The following PKIB variants were observed in gnomAD, a reference collection of about 807,000 sequenced individuals.
PKIB encodes the protein PKI-beta.
Under a neutral mutation model 4.5 loss-of-function variants are expected in PKIB, and 2 were observed. That is an observed-to-expected ratio of 0.44 (90% CI 0.18 to 1.39). The LOEUF is 1.39. Ranked by LOEUF, PKIB falls within the 40% of genes most tolerant of loss-of-function variation. The probability of loss-of-function intolerance (pLI) is 0.27; values close to 1 mark genes in which losing one functional copy is unlikely to be tolerated. For synonymous variants in PKIB, 38 were observed against 36.0 expected (o/e 1.06, Z -0.20); for missense variants, 94 against 92.6 (o/e 1.02, Z -0.06).
At chr6:122,553,478 CTTCTTTT>C (rs1772745609) in intron 2 of PKIB, among the ~76,000 whole-genome samples, 1 of 48,928 alleles carries the variant, frequency 2.0e-5, no homozygotes, top group Admixed American at 2.8e-4. Flanking sequence ...GCTCAAATAT[CTTCTTTT>C]TTTTTTTTTT....
Position 122,516,190 on chromosome 6 carries a change from T to G in PKIB, c.-248+38251T>G, listed in dbSNP as rs75881747. Reference sequence around the variant, plus strand: ...CTACTTGAGCAGAGGAGTGAGCCAGTATCTGGCTTCCTGGAAGACTGTACT... The same window carrying G: ...CTACTTGAGCAGAGGAGTGAGCCAGGATCTGGCTTCCTGGAAGACTGTACT... On this transcript the variant is annotated intron_variant, in intron 2 of 6. Transcript: ENST00000392491. 1.5e-3 allele frequency among the ~76,000 whole-genome samples: 230 copies of G among 152,322 alleles called. 6 individuals carry two copies. In the East Asian group the frequency reaches 0.027, roughly 18 times the overall value.
intron 2 of PKIB, chr6:122,652,612 G>T (rs962252467): frequency 6.6e-6 from 1 of 152,112 alleles, no homozygotes; most frequent in African/African-American, 2.4e-5. Flanking sequence ...ATTAATGTTT[G>T]ATTGAACAAC....
At chr6:122,545,856 CAG>C (rs572960482) in intron 2 of PKIB, among the ~76,000 whole-genome samples, 207 of 149,592 alleles carry the variant, frequency 1.4e-3, no homozygotes, top group African/African-American at 4.9e-3. Context: ...AAAAGTCAAG[CAG>C]AGAGGTGAAT....
At chr6:122,500,750 T>C (rs1335773509) in intron 2 of PKIB, among the ~76,000 whole-genome samples, 2 of 152,200 alleles carry the variant, frequency 1.3e-5, no homozygotes, top group East Asian at 3.8e-4. Flanking sequence ...ACTAGGTAAT[T>C]CATGGAGAAA....
intron 2 of PKIB, chr6:122,481,013 G>T (rs1775596433): frequency 6.6e-6 from 1 of 152,028 alleles, no homozygotes. Flanking sequence ...CAAGCTCCTT[G>T]CATCAAATCA....
chr6:122,575,133 CA>C lies in PKIB; in HGVS notation c.-247-10785del, dbSNP rs1773489058. On this transcript the variant is annotated intron_variant, in intron 2 of 6. Transcript: ENST00000392491. ...CAAACGAAGATACACAAACAGCCAA[CA>C]AACGTATGAAAAAATGCTCACCATT... 2.6e-5 allele frequency among the ~76,000 whole-genome samples: 4 copies of C among 151,960 alleles called. No individual in the cohort carries two copies. In the South Asian group the frequency reaches 8.3e-4, roughly 32 times the overall value.
chr6:122,696,385 C>T (rs1246181864), intron 3 of PKIB, among the ~76,000 whole-genome samples: 1 of 152,088 alleles, frequency 6.6e-6, no homozygotes, highest in Non-Finnish European at 1.5e-5. Flanking sequence ...TGAAGGTGGC[C>T]AGGATTCCAG....
chr6:122,553,381 T>C (rs1181321105), intron 2 of PKIB, among the ~76,000 whole-genome samples: 3 of 151,802 alleles, frequency 2.0e-5, no homozygotes, highest in African/African-American at 7.3e-5. Flanking sequence ...ACAAAGCCGA[T>C]TGATATCCTG....
rs550497233 is a variant in PKIB at position 122,695,061 on chromosome 6, C to G, written c.-9+19917C>G. On this transcript the variant is annotated intron_variant, in intron 3 of 4. Transcript: ENST00000368452. ...CCAGAAAATACCCTCTCATGAAATG[C>G]AAACTTATTTTCAAATTTTAACAAA... Among the ~76,000 whole-genome samples, 56 of 152,202 alleles carry G rather than the reference C, an allele frequency of 3.7e-4. 1 individual carries two copies. Among genetic ancestry groups the G allele is most frequent in the Admixed American group, 3.6e-3 (55 of 15,300 alleles).
chr6:122,562,302 G>A (rs1343132821), intron 2 of PKIB, among the ~76,000 whole-genome samples: 1 of 152,052 alleles, frequency 6.6e-6, no homozygotes, highest in Non-Finnish European at 1.5e-5. Context: ...CTTCTAGCTT[G>A]GAGGGTTTCT....
chr6:122,595,421 G>A (rs2114731181), intron 3 of PKIB, among the ~76,000 whole-genome samples: 1 of 152,282 alleles, frequency 6.6e-6, no homozygotes, highest in African/African-American at 2.4e-5. Flanking sequence ...TAGCCATAAG[G>A]TGAGTGCCTT....
At chr6:122,575,457 AC>A (rs1562256946) in intron 2 of PKIB, among the ~76,000 whole-genome samples, 1 of 152,154 alleles carries the variant, frequency 6.6e-6, no homozygotes, top group Non-Finnish European at 1.5e-5. Context: ...GAAAAAAAAA[AC>A]ATGCACACTC....
intron 3 of PKIB, among the ~76,000 whole-genome samples, chr6:122,703,652 A>G (rs1248780194): frequency 2.0e-5 from 3 of 151,926 alleles, no homozygotes; most frequent in Non-Finnish European, 4.4e-5. Flanking sequence ...TGAAGAGAGA[A>G]TAGTGAACTA....
At chr6:122,706,738 A>G (rs891259782) in intron 3 of PKIB, among the ~76,000 whole-genome samples, 3 of 152,202 alleles carry the variant, frequency 2.0e-5, no homozygotes, top group South Asian at 2.1e-4. Context: ...AAAACAATGC[A>G]TGCTTAACAC....
intron 2 of PKIB, among the ~76,000 whole-genome samples, chr6:122,541,010 C>CT (rs1213340187): frequency 1.7e-4 from 26 of 150,756 alleles, no homozygotes; most frequent in South Asian, 8.4e-4. Context: ...CAACCCCTGC[C>CT]TTTTTTTTGT....
intron 3 of PKIB, among the ~76,000 whole-genome samples, chr6:122,586,373 T>C (rs1773848996): frequency 6.6e-6 from 1 of 152,180 alleles, no homozygotes; most frequent in African/African-American, 2.4e-5. Flanking sequence ...TTTTCTATAA[T>C]TTATTCCCAT....
At chr6:122,482,784 C>G (rs1001198185) in intron 2 of PKIB, 1 of 152,054 alleles carries the variant, frequency 6.6e-6, no homozygotes, top group African/African-American at 2.4e-5. Context: ...CTCCTGACTT[C>G]GTGATCTGTC....
intron 2 of PKIB, among the ~76,000 whole-genome samples, chr6:122,665,177 A>C (rs988257406): frequency 1.3e-5 from 2 of 152,220 alleles, no homozygotes; most frequent in African/African-American, 2.4e-5. Flanking sequence ...AAATAAGGTT[A>C]GGCTGCATTG....
At chr6:122,631,415 C>T (rs1358039372) in intron 1 of PKIB, among the ~76,000 whole-genome samples, 1 of 151,882 alleles carries the variant, frequency 6.6e-6, no homozygotes, top group Non-Finnish European at 1.5e-5. Flanking sequence ...TTTGGGAAGC[C>T]AAAACAAACT....
Sources: allele counts gnomAD v4.1 joint callset (sites outside exome capture counted in the v4.1 genomes callset), GRCh38; gene constraint gnomAD v4.1.1; transcripts MANE v1.5; gene names NCBI Gene and HGNC (gene_info 2026-07-23, HGNC 2026-07-21).